The following MBD5 variants were observed in gnomAD, a reference collection of about 807,000 sequenced individuals.
MBD5 encodes methyl-CpG-binding domain protein 5.
A neutral mutation model predicts 117.3 loss-of-function variants in MBD5; 13 were observed. That is an observed-to-expected ratio of 0.11 (90% CI 0.07 to 0.18). MBD5 has a LOEUF of 0.18. Among genes scored for constraint, MBD5 ranks in the 10% least tolerant of loss-of-function variants. The probability of loss-of-function intolerance (pLI) is 1.00; values close to 1 mark genes in which losing one functional copy is unlikely to be tolerated. For synonymous variants in MBD5, 727 were observed against 766.4 expected (o/e 0.95, Z 0.85); for missense variants, 1,879 against 2,093.8 (o/e 0.90, Z 2.00).
Position 148,468,604 on chromosome 2 carries a change from C to T in MBD5, c.661C>T (p.Leu221=), listed in dbSNP as rs1367020489. Residue 221 remains leucine, a synonymous_variant, in exon 8 of 14, where the codon CTG becomes TTG. Coordinates refer to ENST00000642680, the MANE Select transcript of MBD5 (RefSeq NM_001378120.1). ...KSPFRGSHGG[L]PSPASSGSQI... Reference sequence around the variant, plus strand: ...TCCATTCCGTGGCAGCCATGGAGGCCTGCCCAGCCCAGCGTCATCAGGTTC... The same window carrying T: ...TCCATTCCGTGGCAGCCATGGAGGCTTGCCCAGCCCAGCGTCATCAGGTTC... 1 of 1,613,812 alleles carries T rather than the reference C, an allele frequency of 6.2e-7. No individual in the cohort carries two copies.
intron 4 of MBD5, among the ~76,000 whole-genome samples, chr2:148,427,717 C>T (rs1307156808): frequency 6.6e-6 from 1 of 151,680 alleles, no homozygotes; most frequent in Admixed American, 6.6e-5. Flanking sequence ...TGCAGCACAC[C>T]AACATGGCAC....
At chr2:148,491,454 C>A (rs1412942415) in intron 11 of MBD5, among the ~76,000 whole-genome samples, 2 of 152,000 alleles carry the variant, frequency 1.3e-5, no homozygotes, top group East Asian at 3.9e-4. Context: ...TATAATTTTT[C>A]ATCTTCTTAG....
chr2:148,499,467 G>A (rs528846713), intron 11 of MBD5, among the ~76,000 whole-genome samples: 1 of 152,214 alleles, frequency 6.6e-6, no homozygotes, highest in African/African-American at 2.4e-5. Context: ...AAACTGTGTG[G>A]GTAGATGATG....
intron 2 of MBD5, among the ~76,000 whole-genome samples, chr2:148,205,599 A>G (rs957498443): frequency 1.3e-5 from 2 of 152,254 alleles, no homozygotes; most frequent in African/African-American, 4.8e-5. Flanking sequence ...AAGGACAGAT[A>G]TAAATTACAT....
intron 4 of MBD5, among the ~76,000 whole-genome samples, chr2:148,363,757 T>C (rs1038165580): frequency 2.6e-5 from 4 of 151,868 alleles, no homozygotes; most frequent in African/African-American, 7.3e-5. Flanking sequence ...AGATTGAAGA[T>C]CAACTTAATG....
At chr2:148,352,057 A>T (rs961391110) in intron 4 of MBD5, among the ~76,000 whole-genome samples, 3 of 151,990 alleles carry the variant, frequency 2.0e-5, no homozygotes, top group African/African-American at 7.2e-5. Flanking sequence ...AACCCTAATG[A>T]GTGGGACCTT....
At chr2:148,034,118 C>T (rs945884019) in intron 1 of MBD5, among the ~76,000 whole-genome samples, 1 of 152,120 alleles carries the variant, frequency 6.6e-6, no homozygotes, top group Non-Finnish European at 1.5e-5. Context: ...TCACTTAAGC[C>T]TGCGAGGTCA....
intron 2 of MBD5, chr2:148,196,324 A>C (rs994675834): frequency 1.2e-4 from 19 of 152,264 alleles, no homozygotes; most frequent in African/African-American, 3.6e-4. Context: ...ATATTGCCGT[A>C]ATCTGTTATG....
chr2:148,418,777 T>C (rs143033679), intron 4 of MBD5, among the ~76,000 whole-genome samples: 86 of 152,094 alleles, frequency 5.7e-4, no homozygotes, highest in Non-Finnish European at 9.1e-4. Context: ...AAAAACAATA[T>C]CATGAAAATG....
chr2:148,181,387 T>C (rs1041378244), intron 2 of MBD5, among the ~76,000 whole-genome samples: 6 of 152,202 alleles, frequency 3.9e-5, no homozygotes, highest in Admixed American at 3.9e-4. Context: ...AGGAGCAGAA[T>C]TGCTGGGTGA....
chr2:148,381,146 G>A (rs1704130560), intron 4 of MBD5, among the ~76,000 whole-genome samples: 1 of 152,174 alleles, frequency 6.6e-6, no homozygotes, highest in Admixed American at 6.5e-5. Flanking sequence ...GAGAGAGGAA[G>A]GCTTCAGAAG....
At chr2:148,344,447 A>G (rs1348949538) in intron 4 of MBD5, among the ~76,000 whole-genome samples, 1 of 151,996 alleles carries the variant, frequency 6.6e-6, no homozygotes. Flanking sequence ...CCAATCCATG[A>G]GCATGTAATG....
chr2:148,288,399 C>CAAAAAAAAAAAAA (rs569673565), intron 3 of MBD5, among the ~76,000 whole-genome samples: 6 of 37,786 alleles, frequency 1.6e-4, no homozygotes, highest in Non-Finnish European at 2.7e-4. Context: ...GACTCCGTCT[C>CAAAAAAAAAAAAA]AAAAAAAAAA....
chr2:148,058,805 C>T (rs2105808666), intron 1 of MBD5, among the ~76,000 whole-genome samples: 1 of 152,186 alleles, frequency 6.6e-6, no homozygotes, highest in African/African-American at 2.4e-5. Flanking sequence ...AAAAAGTATG[C>T]TTGAATTACT....
chr2:148,462,535 G>T, intron 5 of MBD5, 47 bp from the exon 6 acceptor site: 1 of 1,169,926 alleles, frequency 8.5e-7, no homozygotes, highest in Non-Finnish European at 1.3e-6. Context: ...CATATAATAT[G>T]TGTAGTCAAA....
chr2:148,033,110 A>C (rs530075930), intron 1 of MBD5, among the ~76,000 whole-genome samples: 11 of 152,322 alleles, frequency 7.2e-5, no homozygotes, highest in Admixed American at 5.2e-4. Context: ...CAGAGTGATA[A>C]TGTCGAGCAA....
At chr2:148,180,354 A>ATG (rs1698500295) in intron 2 of MBD5, among the ~76,000 whole-genome samples, 1 of 116,538 alleles carries the variant, frequency 8.6e-6, no homozygotes, top group Non-Finnish European at 1.9e-5. Flanking sequence ...ATATATATAT[A>ATG]TATATATGTA....
At chr2:148,248,874 G>T (rs1014400990) in intron 3 of MBD5, among the ~76,000 whole-genome samples, 1 of 151,812 alleles carries the variant, frequency 6.6e-6, no homozygotes, top group African/African-American at 2.4e-5. Flanking sequence ...ATAAAATTAG[G>T]TATATAAAAA....
intron 1 of MBD5, among the ~76,000 whole-genome samples, chr2:148,066,955 T>G (rs1695214098): frequency 6.6e-6 from 1 of 152,222 alleles, no homozygotes; most frequent in South Asian, 2.1e-4. Flanking sequence ...TGTCATTGTA[T>G]TAGAATTTTG....
Sources: allele counts gnomAD v4.1 joint callset (sites outside exome capture counted in the v4.1 genomes callset), GRCh38; gene constraint gnomAD v4.1.1; transcripts MANE v1.5; gene names NCBI Gene and HGNC (gene_info 2026-07-23, HGNC 2026-07-21).